CDK2AP1: variants seen among roughly 807,000 people sequenced by gnomAD.
The protein encoded by CDK2AP1 is cyclin-dependent kinase 2-associated protein 1.
Under a neutral mutation model 14.1 loss-of-function variants are expected in CDK2AP1, and 10 were observed. The observed-to-expected ratio is 0.71, with a 90% CI of 0.44 to 1.20. CDK2AP1 has a LOEUF of 1.20. Ranked by LOEUF, CDK2AP1 falls within the 50% of genes most tolerant of loss-of-function variation. CDK2AP1 has a pLI of 0.00. For synonymous variants in CDK2AP1, 59 were observed against 59.8 expected (o/e 0.99, Z 0.06); for missense variants, 102 against 149.9 (o/e 0.68, Z 1.67).
At chr12:123,264,848 G>C (rs531110099) in intron 3 of CDK2AP1, among the ~76,000 whole-genome samples, 1 of 152,170 alleles carries the variant, frequency 6.6e-6, no homozygotes, top group Non-Finnish European at 1.5e-5. Context: ...CCTAGGACCA[G>C]TGTCGGCCCA....
Position 123,265,232 on chromosome 12 carries a change from C to T in CDK2AP1, c.244G>A (p.Ala82Thr), listed in dbSNP as rs2048277814. The change falls in exon 3 of 4, where the codon GCA becomes ACA. Residue 82 changes from alanine (A) to threonine (T), a missense_variant. Around this residue, in one of 2 missense-constraint regions of CDK2AP1, gnomAD observed 52 missense variants for 107.2 expected, o/e 0.48. Transcript: ENST00000261692. The surrounding 1 kb of genome is among the most constrained non-coding windows in gnomAD (Gnocchi z 5.3). ...ELGKEIRPTY[A>T]GSKSAMERLK... The stretch of plus-strand genomic sequence containing the variant: ...CTCTCCATGGCACTCTTGCTCCCTG[C>T]GTACGTGGGTCTGATCTCCTTCCCC... 6.2e-7 allele frequency: 1 copy of T among 1,614,060 alleles called. No individual in the cohort carries two copies. Among genetic ancestry groups the T allele is most frequent in the Non-Finnish European group, 8.5e-7 (1 of 1,180,032 alleles).
At chr12:123,269,556 G>C (rs555870590) in intron 1 of CDK2AP1, among the ~76,000 whole-genome samples, 17 of 152,384 alleles carry the variant, frequency 1.1e-4, no homozygotes, top group African/African-American at 3.8e-4. Context: ...GTGTGCAGGA[G>C]CGAGGGGTTG....
Position 123,271,640 on chromosome 12 carries a change from C to G in CDK2AP1, c.-22G>C. 1.0e-6 allele frequency: 1 copy of G among 968,996 alleles called. No homozygotes were observed. Among genetic ancestry groups the G allele is most frequent in the Non-Finnish European group, 1.2e-6 (1 of 817,536 alleles). The allele number at this position is 968,996 out of a possible 1,614,324, so 60.0% of individuals were successfully genotyped here. A position where few individuals can be genotyped will look rare whatever the true frequency, so the allele number is the denominator to read the frequency against. ...ACATCCCCCCGGGCGGCGGGCGCGCCGGGCGCGGCGGGGCCAGGCCGCGAG... is the reference window on the plus strand; with the variant it reads ...ACATCCCCCCGGGCGGCGGGCGCGCGGGGCGCGGCGGGGCCAGGCCGCGAG... On this transcript the variant is annotated 5_prime_UTR_variant, in exon 1 of 4. Transcript: ENST00000261692.
At position 123,271,677 on chromosome 12, in the gene CDK2AP1, C is replaced by CCAAAAATACTGTACTCTTAAA; in HGVS notation, c.-60_-59insTTTAAGAGTACAGTATTTTTG. 1.4e-6 allele frequency: 1 copy of CCAAAAATACTGTACTCTTAAA among 701,496 alleles called. No individual in the cohort carries two copies. The highest frequency in any genetic ancestry group is 1.7e-6 in the Non-Finnish European group (1 of 573,498). The allele number at this position is 701,496 out of a possible 1,614,324, so 43.5% of individuals were successfully genotyped here. On this transcript the variant is annotated 5_prime_UTR_variant, in exon 1 of 4. Transcript: ENST00000261692. ...GGCCAGGCCGCGAGGGCGGCGGCGG[C>CCAAAAATACTGTACTCTTAAA]GGCGGCGAGGCCGGGCGGTAGCGCT...
intron 3 of CDK2AP1, chr12:123,262,405 A>G (rs898948073): frequency 6.6e-6 from 1 of 152,078 alleles, no homozygotes; most frequent in Non-Finnish European, 1.5e-5. Flanking sequence ...AATAGACACT[A>G]AGGATTCTAT....
rs144603115 is a variant in CDK2AP1, at chr12:123,267,818, G to A, written c.56-536C>T. Reference sequence around the variant, plus strand: ...GACAGGCACGCTGGACATCAAATCAGAAATCTAGAGAACACCATGGCCTCT... The same window carrying A: ...GACAGGCACGCTGGACATCAAATCAAAAATCTAGAGAACACCATGGCCTCT... On this transcript the variant is annotated intron_variant, in intron 1 of 3. Transcript: ENST00000261692. 411 of 156,444 alleles carry A rather than the reference G, an allele frequency of 2.6e-3. 2 individuals are homozygous for A. Among genetic ancestry groups the A allele is most frequent in the Non-Finnish European group, 2.9e-3 (202 of 70,646 alleles). 9.7% of individuals were successfully genotyped at this position (156,444 alleles called of 1,614,324 possible).
chr12:123,262,055 C>A lies in CDK2AP1; in HGVS notation c.281-252G>T, dbSNP rs896096504. The A allele has an allele frequency of 3.3e-5, 13 of 394,630 alleles. No homozygotes were observed. In the Admixed American group the frequency reaches 3.8e-4, roughly 11 times the overall value. The allele number at this position is 394,630 out of a possible 1,614,324, so 24.4% of individuals were successfully genotyped here. ...ATTTTTTCCTGCATTCAAGGTGCACCAGCAAGCTGTCCTTCCACGACACTG... is the reference window on the plus strand; with the variant it reads ...ATTTTTTCCTGCATTCAAGGTGCACAAGCAAGCTGTCCTTCCACGACACTG... On this transcript the variant is annotated intron_variant, in intron 3 of 3. Coordinates refer to ENST00000261692, the MANE Select transcript of CDK2AP1 (RefSeq NM_004642.4).
upstream of CDK2AP1, chr12:123,271,988 G>A (rs2048358882): frequency 6.8e-6 from 1 of 147,254 alleles, no homozygotes; most frequent in African/African-American, 2.4e-5. Flanking sequence ...GGGGGGCTGG[G>A]GTCCCGGCGG....
Position 123,261,449 on chromosome 12 carries a change from A to C in CDK2AP1, c.*287T>G. ...TTAAAGGGAGACAATGGTGTCTTGG[A>C]GGCAAACTACAGTTTGCTGTAAGAT... On this transcript the variant is annotated 3_prime_UTR_variant, in exon 4 of 4. Transcript: ENST00000261692. The C allele has an allele frequency of 2.8e-6, 1 of 362,914 alleles. No individual in the cohort carries two copies. Among genetic ancestry groups the C allele is most frequent in the Non-Finnish European group, 5.1e-6 (1 of 195,410 alleles). The allele number at this position is 362,914 out of a possible 1,614,324, so 22.5% of individuals were successfully genotyped here. A position where few individuals can be genotyped will look rare whatever the true frequency, so the allele number is the denominator to read the frequency against.
At chr12:123,263,916 C>T (rs367636231) in intron 3 of CDK2AP1, among the ~76,000 whole-genome samples, 2 of 151,408 alleles carry the variant, frequency 1.3e-5, no homozygotes, top group South Asian at 2.1e-4. Context: ...CCATCCTGGC[C>T]AACCAACATG....
At chr12:123,271,461 G>T in intron 1 of CDK2AP1, 103 bp downstream of exon 1, 2 of 521,318 alleles carry the variant, frequency 3.8e-6, no homozygotes, top group Non-Finnish European at 4.9e-6. Flanking sequence ...TGAGCCCCCC[G>T]CCCCCGGCCT....
intron 1 of CDK2AP1, among the ~76,000 whole-genome samples, chr12:123,270,667 T>C (rs918418008): frequency 3.3e-5 from 5 of 152,216 alleles, no homozygotes; most frequent in Admixed American, 6.5e-5. Flanking sequence ...AGCCCGAAGC[T>C]GCCTGACAAC....
At chr12:123,261,899 T>G (rs2048236338) in intron 3 of CDK2AP1, 96 bp from the exon 4 acceptor site, 1 of 853,766 alleles carries the variant, frequency 1.2e-6, no homozygotes, top group African/African-American at 1.6e-5. Context: ...TTCCACAGCC[T>G]GTCCACAAAA....
At position 123,268,215 on chromosome 12, in the gene CDK2AP1, G is replaced by A. The variant is rs377011267; in HGVS notation, c.56-933C>T. 15 of 985,430 alleles carry A rather than the reference G, an allele frequency of 1.5e-5. No individual in the cohort carries two copies. The African/African-American group carries it at 2.1e-4, about 14-fold the overall frequency. The allele number at this position is 985,430 out of a possible 1,614,324, so 61.0% of individuals were successfully genotyped here. A position where few individuals can be genotyped will look rare whatever the true frequency, so the allele number is the denominator to read the frequency against. On this transcript the variant is annotated intron_variant, in intron 1 of 3. Coordinates refer to ENST00000261692, the MANE Select transcript of CDK2AP1 (RefSeq NM_004642.4). The stretch of plus-strand genomic sequence containing the variant: ...CCGCCTGCCGCCCCCAGAGCCACAC[G>A]GTCTCTCTCTCACACACACAGTGGG...
At chr12:123,266,476 C>T (rs1209486275) in intron 2 of CDK2AP1, among the ~76,000 whole-genome samples, 1 of 152,250 alleles carries the variant, frequency 6.6e-6, no homozygotes, top group Non-Finnish European at 1.5e-5. Context: ...GACCTCAGAA[C>T]ACTGGTGCTG....
chr12:123,271,454 G>T, intron 1 of CDK2AP1, 110 bp downstream of exon 1: 2 of 452,462 alleles, frequency 4.4e-6, no homozygotes, highest in Non-Finnish European at 5.8e-6. Context: ...GGGACCCTGA[G>T]CCCCCCGCCC....
chr12:123,267,084 C>T (rs2048304777), intron 2 of CDK2AP1, 101 bp downstream of exon 2: 1 of 793,126 alleles, frequency 1.3e-6, no homozygotes, highest in Non-Finnish European at 2.2e-6. Flanking sequence ...CCGTCCCATC[C>T]TTTCTGCTCC....
rs994147109 is a variant in CDK2AP1 at position 123,270,207 on chromosome 12, G to A, written c.55+1357C>T. On this transcript the variant is annotated intron_variant, in intron 1 of 3. Transcript: ENST00000261692. ...AACAAAGCCCGTCTTTGTAAGGTCT[G>A]CGGACCCCAGAGGAGGTGAGAATGT... 74 of 984,478 alleles carry A rather than the reference G, an allele frequency of 7.5e-5. 1 individual carries two copies. The Middle Eastern group carries it at 4.7e-3, about 63-fold the overall frequency. 61.0% of individuals were successfully genotyped at this position (984,478 alleles called of 1,614,324 possible).
chr12:123,264,434 T>TGGGCAACAAGA (rs904985347), intron 3 of CDK2AP1, among the ~76,000 whole-genome samples: 2 of 114,424 alleles, frequency 1.7e-5, no homozygotes, highest in African/African-American at 7.1e-5. Flanking sequence ...CACTCCAGCC[T>TGGGCAACAAGA]GGGCAACAAG....
Sources: allele counts gnomAD v4.1 joint callset (sites outside exome capture counted in the v4.1 genomes callset), GRCh38; gene constraint gnomAD v4.1.1; regional missense constraint gnomAD v4.1.1; non-coding constraint Gnocchi (gnomAD v3.1); transcripts MANE v1.5; gene names NCBI Gene and HGNC (gene_info 2026-07-23, HGNC 2026-07-21).